PAG1: variants seen among roughly 807,000 people sequenced by gnomAD.
PAG1 encodes the protein phosphoprotein associated with glycosphingolipid-enriched microdomains 1.
In PAG1, 23 loss-of-function variants were observed where a neutral mutation model predicts 31.7. The ratio of observed to expected loss-of-function variants is 0.73; its 90% CI spans 0.52 to 1.03. The LOEUF (loss-of-function observed/expected upper bound fraction) is 1.03, where lower values mean the gene tolerates loss of function less well. PAG1 is among the 50% of genes least tolerant of loss of function. The pLI, the probability that PAG1 is intolerant of heterozygous loss-of-function variation, is 0.00. For synonymous variants in PAG1, 214 were observed against 210.3 expected (o/e 1.02, Z -0.15); for missense variants, 473 against 540.7 (o/e 0.87, Z 1.24).
chr8:81,082,621 C>T (rs1404602102), intron 1 of PAG1, among the ~76,000 whole-genome samples: 4 of 152,114 alleles, frequency 2.6e-5, no homozygotes, highest in African/African-American at 7.2e-5. Flanking sequence ...AGTGTTGAGA[C>T]AAAATAATTT....
intron 1 of PAG1, among the ~76,000 whole-genome samples, chr8:81,087,956 TG>T (rs1236700542): frequency 5.3e-5 from 8 of 152,148 alleles, no homozygotes; most frequent in South Asian, 2.1e-4. Flanking sequence ...CAAAGATCAG[TG>T]GGGGGAAAAA....
chr8:80,980,103 C>T (rs1376046460), intron 8 of PAG1, among the ~76,000 whole-genome samples: 1 of 152,192 alleles, frequency 6.6e-6, no homozygotes, highest in Non-Finnish European at 1.5e-5. Flanking sequence ...TCATTTCCTT[C>T]TGATGTGGTC....
At chr8:81,070,501 C>A (rs1218033037) in intron 1 of PAG1, among the ~76,000 whole-genome samples, 2 of 152,124 alleles carry the variant, frequency 1.3e-5, no homozygotes, top group Non-Finnish European at 2.9e-5. Flanking sequence ...TGCCTTCTAA[C>A]TCAATCCCAC....
chr8:81,080,299 G>A (rs1809244889), intron 1 of PAG1, among the ~76,000 whole-genome samples: 1 of 152,028 alleles, frequency 6.6e-6, no homozygotes, highest in Non-Finnish European at 1.5e-5. Context: ...AATTCTATGG[G>A]GGTCTTAAGT....
At position 80,974,122 on chromosome 8, in the gene PAG1, A is replaced by G. The variant is rs1042383262; in HGVS notation, c.*2422T>C. The G allele has an allele frequency of 3.3e-5, 5 of 149,488 alleles. No individual in the cohort carries two copies. The highest frequency in any genetic ancestry group is 2.7e-4 in the Admixed American group (4 of 15,026). 9.3% of individuals were successfully genotyped at this position (149,488 alleles called of 1,614,324 possible). A position where few individuals can be genotyped will look rare whatever the true frequency, so the allele number is the denominator to read the frequency against. Reference sequence around the variant, plus strand: ...ATTTTGGTAACAAAATTGCAAAATGACATGATTATTTATGAGCTTTCTATA... The same window carrying G: ...ATTTTGGTAACAAAATTGCAAAATGGCATGATTATTTATGAGCTTTCTATA... On this transcript the variant is annotated 3_prime_UTR_variant, in exon 9 of 9. Transcript: ENST00000220597.
At chr8:81,093,168 C>T (rs968265388) in intron 1 of PAG1, among the ~76,000 whole-genome samples, 1 of 152,190 alleles carries the variant, frequency 6.6e-6, no homozygotes, top group Admixed American at 6.5e-5. Flanking sequence ...GCACAGAGAA[C>T]AGAACTGACT....
At chr8:81,028,122 C>T (rs1300828284) in intron 3 of PAG1, among the ~76,000 whole-genome samples, 2 of 152,066 alleles carry the variant, frequency 1.3e-5, no homozygotes, top group South Asian at 2.1e-4. Context: ...CTATCAGGGC[C>T]CATCATATTG....
chr8:80,984,569 C>T (rs528426595), intron 7 of PAG1, among the ~76,000 whole-genome samples: 6 of 152,258 alleles, frequency 3.9e-5, no homozygotes, highest in Non-Finnish European at 8.8e-5. Flanking sequence ...AAGTAAGGTG[C>T]TGAGAGAAAT....
intron 3 of PAG1, among the ~76,000 whole-genome samples, chr8:81,029,627 C>G (rs1808345073): frequency 6.6e-6 from 1 of 152,128 alleles, no homozygotes; most frequent in Non-Finnish European, 1.5e-5. Flanking sequence ...CTAAAGGAAA[C>G]TACTCATTTT....
At chr8:81,022,574 T>C (rs963135815) in intron 3 of PAG1, among the ~76,000 whole-genome samples, 8 of 152,190 alleles carry the variant, frequency 5.3e-5, no homozygotes, top group Admixed American at 2.6e-4. Flanking sequence ...CATAAATCCA[T>C]ATATTAAAGG....
At chr8:81,106,820 T>C (rs1285776642) in intron 1 of PAG1, among the ~76,000 whole-genome samples, 2 of 152,152 alleles carry the variant, frequency 1.3e-5, no homozygotes, top group Non-Finnish European at 2.9e-5. Flanking sequence ...GATACAGACA[T>C]GGACGATTTG....
intron 2 of PAG1, among the ~76,000 whole-genome samples, chr8:81,035,641 C>T (rs1808450554): frequency 6.6e-6 from 1 of 152,092 alleles, no homozygotes; most frequent in Non-Finnish European, 1.5e-5. Context: ...GCAAGAGGAA[C>T]AAATAGTGAG....
At chr8:81,077,563 A>T (rs1809199573) in intron 1 of PAG1, among the ~76,000 whole-genome samples, 1 of 152,234 alleles carries the variant, frequency 6.6e-6, no homozygotes, top group African/African-American at 2.4e-5. Context: ...GGTGACTTTT[A>T]TCGAAAAAAC....
In PAG1 at chr8:81,084,835, C is replaced by T. The variant is rs183820717; in HGVS notation, c.-233-14665G>A. On this transcript the variant is annotated intron_variant, in intron 1 of 8. Coordinates refer to ENST00000220597, the MANE Select transcript of PAG1 (RefSeq NM_018440.4). The stretch of plus-strand genomic sequence containing the variant: ...TTACATCTATTTTCCTTTAACCAAC[C>T]CTTTATTATAAGCAAAATGTACAGA... Among the ~76,000 whole-genome samples the T allele has an allele frequency of 1.7e-3, 255 of 152,242 alleles. 1 individual carries two copies. Among genetic ancestry groups the T allele is most frequent in the African/African-American group, 6.0e-3 (248 of 41,530 alleles).
At chr8:81,037,963 C>T (rs543117898) in intron 2 of PAG1, among the ~76,000 whole-genome samples, 4 of 152,344 alleles carry the variant, frequency 2.6e-5, no homozygotes, top group South Asian at 2.1e-4. Flanking sequence ...ATGCCCTATC[C>T]TGCCATTGTG....
At chr8:81,094,389 A>G (rs1043577404) in intron 1 of PAG1, among the ~76,000 whole-genome samples, 8 of 152,156 alleles carry the variant, frequency 5.3e-5, no homozygotes, top group Admixed American at 3.9e-4. Flanking sequence ...TTCACTCAGC[A>G]ACCCTCCTCC....
chr8:81,110,068 T>G (rs551337737), intron 1 of PAG1, among the ~76,000 whole-genome samples: 1 of 152,334 alleles, frequency 6.6e-6, no homozygotes, highest in South Asian at 2.1e-4. Context: ...AAAAACCCTT[T>G]ACACTTTAAA....
At chr8:81,016,169 G>A (rs1008451369) in intron 3 of PAG1, among the ~76,000 whole-genome samples, 32 of 152,190 alleles carry the variant, frequency 2.1e-4, no homozygotes, top group Admixed American at 6.5e-4. Context: ...AACCTAAGAT[G>A]GCCCAAACTA....
chr8:81,056,189 G>A (rs1387530562), intron 2 of PAG1, among the ~76,000 whole-genome samples: 1 of 152,060 alleles, frequency 6.6e-6, no homozygotes, highest in Non-Finnish European at 1.5e-5. Flanking sequence ...TTTTGTCAAA[G>A]GGCTTTCTTC....
Sources: allele counts gnomAD v4.1 joint callset (sites outside exome capture counted in the v4.1 genomes callset), GRCh38; gene constraint gnomAD v4.1.1; transcripts MANE v1.5; gene names NCBI Gene and HGNC (gene_info 2026-07-23, HGNC 2026-07-21).